Variants in CRMP1 observed in about 807,000 individuals in gnomAD.
CRMP1 encodes dihydropyrimidinase-related protein 1.
CRMP1 carries 19 observed loss-of-function variants against 68.3 expected under a neutral mutation model. That is an observed-to-expected ratio of 0.28 (90% CI 0.19 to 0.41). The LOEUF (loss-of-function observed/expected upper bound fraction) is 0.41. Among genes scored for constraint, CRMP1 ranks in the 10% least tolerant of loss-of-function variants. The pLI, the probability that CRMP1 is intolerant of heterozygous loss-of-function variation, is 1.00. For synonymous variants in CRMP1, 439 were observed against 399.6 expected, an observed-to-expected ratio of 1.10 and a Z score of -1.18; for missense variants, 791 against 967.4, an observed-to-expected ratio of 0.82 and a Z score of 2.42.
At chr4:5,887,647 C>T (rs1343788740) in intron 1 of CRMP1, 1 of 985,578 alleles carries the variant, frequency 1.0e-6, no homozygotes, top group East Asian at 1.1e-4. Context: ...CCGCCAGCGT[C>T]GCCCCATTAG....
rs1310135915 is a variant in CRMP1, at chr4:5,890,726, C to A, written c.381+1863G>T. 1.3e-5 allele frequency among the ~76,000 whole-genome samples: 2 copies of A among 152,140 alleles called. No homozygotes were observed. Among genetic ancestry groups the A allele is most frequent in the East Asian group, 3.9e-4 (2 of 5,150 alleles). On this transcript the variant is annotated intron_variant, in intron 1 of 13. Transcript: ENST00000324989. This position sits in a 1 kb window ranked among gnomAD's most constrained non-coding sequence, Gnocchi z 5.5. ...AGAGGAACGGGAGAGGTGAAGCGAC[C>A]AGCGTCCCCAAGGGTCAGGGCGCAG...
chr4:5,843,047 C>T lies in CRMP1; in HGVS notation c.1032+46G>A. ...AGCTGGAACAGCATCAAGGTGAGTG[C>T]TCAGTGGTGAGTGTCAGAGTCATGC... On this transcript the variant is annotated intron_variant, in intron 7 of 13. Coordinates refer to ENST00000324989, the MANE Select transcript of CRMP1 (RefSeq NM_001014809.3). The surrounding 1 kb of genome is among the most constrained non-coding windows in gnomAD (Gnocchi z 4.1). The T allele has an allele frequency of 6.3e-7, 1 of 1,576,426 alleles. No individual in the cohort carries two copies. Among genetic ancestry groups the T allele is most frequent in the Non-Finnish European group, 8.7e-7 (1 of 1,146,762 alleles).
At chr4:5,857,526 A>G (rs911363721) in intron 3 of CRMP1, among the ~76,000 whole-genome samples, 7 of 152,226 alleles carry the variant, frequency 4.6e-5, no homozygotes, top group African/African-American at 1.7e-4. Flanking sequence ...CACCATCATC[A>G]TAACTATTTA....
chr4:5,859,803 G>A lies in CRMP1; in HGVS notation c.655+1223C>T, dbSNP rs1480242308. 6.6e-6 allele frequency among the ~76,000 whole-genome samples: 1 copy of A among 152,152 alleles called. No individual in the cohort carries two copies. The highest frequency in any genetic ancestry group is 1.5e-5 in the Non-Finnish European group (1 of 68,028). On this transcript the variant is annotated intron_variant, in intron 3 of 13. Transcript: ENST00000324989. The surrounding 1 kb of genome is among the most constrained non-coding windows in gnomAD (Gnocchi z 5.2). ...AGGGACTTGGCAAACTCTGCCCATG[G>A]CGGTGGGCTTCAGCCCACAGACCAC...
chr4:5,876,964 A>G (rs904874308), intron 1 of CRMP1, among the ~76,000 whole-genome samples: 7 of 152,218 alleles, frequency 4.6e-5, no homozygotes, highest in Admixed American at 1.3e-4. Context: ...AAGTGGGTGC[A>G]GTGCAGCCGC....
In CRMP1 at chr4:5,859,041, C is replaced by G. The variant is rs1713349013; in HGVS notation, c.655+1985G>C. 6.6e-6 allele frequency among the ~76,000 whole-genome samples: 1 copy of G among 151,330 alleles called. No homozygotes were observed. Among genetic ancestry groups the G allele is most frequent in the Non-Finnish European group, 1.5e-5 (1 of 67,842 alleles). ...AGACCCTGCCCCTCAGTTCAAAGCACTGTGTACCCTTCTTTTGTAGCAGGA... is the reference window on the plus strand; with the variant it reads ...AGACCCTGCCCCTCAGTTCAAAGCAGTGTGTACCCTTCTTTTGTAGCAGGA... On this transcript the variant is annotated intron_variant, in intron 3 of 13. Coordinates refer to ENST00000324989, the MANE Select transcript of CRMP1 (RefSeq NM_001014809.3). This position sits in a 1 kb window ranked among gnomAD's most constrained non-coding sequence, Gnocchi z 5.2.
chr4:5,822,495 G>A (rs76286990), intron 13 of CRMP1, among the ~76,000 whole-genome samples: 2 of 83,038 alleles, frequency 2.4e-5, no homozygotes, highest in Non-Finnish European at 4.2e-5. Flanking sequence ...GGATCTGAAG[G>A]GGGGGGGGGT....
At chr4:5,876,595 T>C (rs557377326) in intron 1 of CRMP1, among the ~76,000 whole-genome samples, 17 of 152,310 alleles carry the variant, frequency 1.1e-4, no homozygotes, top group South Asian at 6.2e-4. Context: ...AAGCATTGAA[T>C]GCAGGGGGAA....
In CRMP1 at chr4:5,838,700, G is replaced by C. The variant is rs76301144; in HGVS notation, c.1310+822C>G. Among the ~76,000 whole-genome samples, 1 of 152,126 alleles carries C rather than the reference G, an allele frequency of 6.6e-6. No homozygotes were observed. The highest frequency in any genetic ancestry group is 1.5e-5 in the Non-Finnish European group (1 of 68,022). On this transcript the variant is annotated intron_variant, in intron 9 of 13. Transcript: ENST00000324989. This position sits in a 1 kb window ranked among gnomAD's most constrained non-coding sequence, Gnocchi z 4.9. ...AGATGTTGAGTAAGCCCTTGGCTAC[G>C]CTAGTCAAAGGTTTCTGTATCATCA... is the stretch of plus-strand genomic sequence containing the variant.
intron 11 of CRMP1, among the ~76,000 whole-genome samples, chr4:5,835,150 G>A (rs1481192528): frequency 6.6e-6 from 1 of 152,212 alleles, no homozygotes; most frequent in Non-Finnish European, 1.5e-5. Flanking sequence ...AACACCCACT[G>A]CAGCTCCATC....
rs1167611756 is a variant in CRMP1, at chr4:5,854,271, A to G, written c.820+1872T>C. Among the ~76,000 whole-genome samples, 1 of 152,068 alleles carries G rather than the reference A, an allele frequency of 6.6e-6. No homozygotes were observed. ...GGATAATGCCTTTTTCTTTTAAAAG[A>G]TAGGGTCTCACTCTATGAGCCAGGC... On this transcript the variant is annotated intron_variant, in intron 4 of 13. Transcript: ENST00000324989. The surrounding 1 kb of genome is among the most constrained non-coding windows in gnomAD (Gnocchi z 4.0).
chr4:5,886,570 T>A (rs1481228218), intron 1 of CRMP1, among the ~76,000 whole-genome samples: 2 of 152,208 alleles, frequency 1.3e-5, no homozygotes, highest in Non-Finnish European at 2.9e-5. Flanking sequence ...AGAGGCAGCA[T>A]CCCACAGACC....
rs185530122 is a variant in CRMP1 at position 5,882,560 on chromosome 4, T to C, written c.381+10029A>G. Among the ~76,000 whole-genome samples the C allele has an allele frequency of 3.0e-4, 46 of 152,296 alleles. 1 individual carries two copies. In the East Asian group the frequency reaches 6.5e-3, roughly 22 times the overall value. ...ACACATATTAAGTCATTTAATTCTA[T>C]GGGGAAAAAATCTTAGGAAATATCA... On this transcript the variant is annotated intron_variant, in intron 1 of 13. Transcript: ENST00000324989.
In CRMP1 at chr4:5,845,917, G is replaced by C. The variant is rs181318029; in HGVS notation, c.964-2756C>G. Among the ~76,000 whole-genome samples the C allele has an allele frequency of 3.9e-5, 6 of 152,282 alleles. No individual in the cohort carries two copies. In the East Asian group the frequency reaches 1.2e-3, roughly 29 times the overall value. ...TCTTGCGAAGAAACCAAGGATGTGA[G>C]TCTACAGCCCCTTGTTAAGAACTCA... On this transcript the variant is annotated intron_variant, in intron 6 of 13. Transcript: ENST00000324989.
At position 5,859,804 on chromosome 4, in the gene CRMP1, C is replaced by T. The variant is rs193099276; in HGVS notation, c.655+1222G>A. Among the ~76,000 whole-genome samples, 4 of 152,256 alleles carry T rather than the reference C, an allele frequency of 2.6e-5. No individual in the cohort carries two copies. Among genetic ancestry groups the T allele is most frequent in the Admixed American group, 2.0e-4 (3 of 15,302 alleles). On this transcript the variant is annotated intron_variant, in intron 3 of 13. Coordinates refer to ENST00000324989, the MANE Select transcript of CRMP1 (RefSeq NM_001014809.3). The surrounding 1 kb of genome is among the most constrained non-coding windows in gnomAD (Gnocchi z 5.2). The stretch of plus-strand genomic sequence containing the variant: ...GGGACTTGGCAAACTCTGCCCATGG[C>T]GGTGGGCTTCAGCCCACAGACCACA...
In CRMP1 at chr4:5,858,538, C is replaced by T. The variant is rs1365419014; in HGVS notation, c.656-2231G>A. 6.6e-6 allele frequency among the ~76,000 whole-genome samples: 1 copy of T among 152,098 alleles called. No individual in the cohort carries two copies. Among genetic ancestry groups the T allele is most frequent in the African/African-American group, 2.4e-5 (1 of 41,418 alleles). ...CCAGCACCGAAGGCTGTTGACTGGCCTCCTCCATATCCCTGGAGCTGTCCA... is the reference window on the plus strand; with the variant it reads ...CCAGCACCGAAGGCTGTTGACTGGCTTCCTCCATATCCCTGGAGCTGTCCA... On this transcript the variant is annotated intron_variant, in intron 3 of 13. Transcript: ENST00000324989. This position sits in a 1 kb window ranked among gnomAD's most constrained non-coding sequence, Gnocchi z 5.5.
chr4:5,883,296 C>T lies in CRMP1; in HGVS notation c.381+9293G>A, dbSNP rs1715339412. Among the ~76,000 whole-genome samples, 1 of 146,894 alleles carries T rather than the reference C, an allele frequency of 6.8e-6. No individual in the cohort carries two copies. Among genetic ancestry groups the T allele is most frequent in the Non-Finnish European group, 1.5e-5 (1 of 66,690 alleles). ...CCTCCCTTCCTGTCTTTCTATCTTT[C>T]TCTTTCTTTCTTCTTTTTTGTTTGA... On this transcript the variant is annotated intron_variant, in intron 1 of 13. Coordinates refer to ENST00000324989, the MANE Select transcript of CRMP1 (RefSeq NM_001014809.3). This position sits in a 1 kb window ranked among gnomAD's most constrained non-coding sequence, Gnocchi z 4.5.
chr4:5,862,951 G>A (rs1172043600), intron 2 of CRMP1, among the ~76,000 whole-genome samples: 1 of 152,158 alleles, frequency 6.6e-6, no homozygotes, highest in African/African-American at 2.4e-5. Context: ...AACTACACAG[G>A]CTTGCACCAC....
Position 5,892,761 on chromosome 4 carries a change from G to A in CRMP1, c.209C>T (p.Pro70Leu). Residue 70 changes from proline to leucine, a missense_variant, in exon 1 of 14, where the codon CCC (proline) becomes CTC (leucine). Coordinates refer to ENST00000324989, the MANE Select transcript of CRMP1 (RefSeq NM_001014809.3). This position sits in a 1 kb window ranked among gnomAD's most constrained non-coding sequence, Gnocchi z 8.6. ...CGGCCCTGGCAGCCCGACCGCGTCG[G>A]GCCGGCCAGCGCTGCGCGGCGTGCG... The part of the protein sequence containing the change: ...SARTPRSAGR[P>L]DAVGLPGPGG... 8.1e-7 allele frequency: 1 copy of A among 1,235,468 alleles called. No homozygotes were observed. The highest frequency in any genetic ancestry group is 1.0e-6 in the Non-Finnish European group (1 of 990,802). 76.5% of individuals were successfully genotyped at this position (1,235,468 alleles called of 1,614,324 possible). A position where few individuals can be genotyped will look rare whatever the true frequency, so the allele number is the denominator to read the frequency against.
Sources: allele counts gnomAD v4.1 joint callset (sites outside exome capture counted in the v4.1 genomes callset), GRCh38; gene constraint gnomAD v4.1.1; non-coding constraint Gnocchi (gnomAD v3.1); transcripts MANE v1.5; gene names NCBI Gene and HGNC (gene_info 2026-07-23, HGNC 2026-07-21).